CDHR3: variants seen among roughly 807,000 people sequenced by gnomAD.
CDHR3 encodes the protein cadherin related family member 3.
In CDHR3, 79 loss-of-function variants were observed where a neutral mutation model predicts 86.6. That is an observed-to-expected ratio of 0.91 (90% CI 0.76 to 1.10). CDHR3 has a LOEUF of 1.10. CDHR3 is among the 50% of genes least tolerant of loss of function. CDHR3 has a pLI of 0.00. For synonymous variants in CDHR3, 421 were observed against 402.4 expected (o/e 1.05, Z -0.55); for missense variants, 1,081 against 1,077.6 (o/e 1.00, Z -0.04).
intron 8 of CDHR3, among the ~76,000 whole-genome samples, chr7:106,005,552 G>C (rs1833832774): frequency 6.6e-6 from 1 of 152,192 alleles, no homozygotes; most frequent in African/African-American, 2.4e-5. Flanking sequence ...CCTGTATCTG[G>C]AGCAAGGCTG....
At chr7:106,014,688 A>C (rs10953490) in intron 9 of CDHR3, among the ~76,000 whole-genome samples, 71,631 of 152,100 alleles carry the variant, frequency 0.47, 17,584 homozygotes, top group African/African-American at 0.61. Context: ...CTCAAAATAT[A>C]TTATAGTACT....
chr7:106,026,059 G>A (rs1275141127), intron 15 of CDHR3, among the ~76,000 whole-genome samples: 1 of 152,084 alleles, frequency 6.6e-6, no homozygotes, highest in Non-Finnish European at 1.5e-5. Context: ...AATATTAATT[G>A]TTTTCAACAT....
At chr7:106,027,868 T>A (rs532035566) in intron 16 of CDHR3, among the ~76,000 whole-genome samples, 1 of 152,120 alleles carries the variant, frequency 6.6e-6, no homozygotes, top group African/African-American at 2.4e-5. Flanking sequence ...CTCACACTTA[T>A]AATCCCAGCA....
rs573081793 is a variant in CDHR3 at position 106,026,824 on chromosome 7, G to C, written c.2272+129G>C. ...TGGAGCATTTTCAGCTGCATCTTCT[G>C]TGGCTGGAAGGAAGCGGAGGTCGGT... On this transcript the variant is annotated intron_variant, in intron 16 of 18. Transcript: ENST00000317716. 4.1e-6 allele frequency: 4 copies of C among 974,362 alleles called. No individual in the cohort carries two copies. In the African/African-American group the frequency reaches 6.4e-5, roughly 16 times the overall value. 60.4% of individuals were successfully genotyped at this position (974,362 alleles called of 1,614,324 possible). A position where few individuals can be genotyped will look rare whatever the true frequency, so the allele number is the denominator to read the frequency against.
intron 2 of CDHR3, 89 bp from the exon 3 acceptor site, chr7:105,980,879 C>T (rs989356087): frequency 8.0e-7 from 1 of 1,245,924 alleles, no homozygotes; most frequent in African/African-American, 1.5e-5. Flanking sequence ...CCAGATGCTT[C>T]CTTCCTAGGA....
chr7:105,988,798 T>C (rs1457472977), intron 4 of CDHR3, among the ~76,000 whole-genome samples: 1 of 152,216 alleles, frequency 6.6e-6, no homozygotes, highest in Non-Finnish European at 1.5e-5. Context: ...AGTAGCCACA[T>C]TGAAAGTAAA....
chr7:106,004,243 C>T (rs183878424), intron 7 of CDHR3, among the ~76,000 whole-genome samples: 3 of 152,320 alleles, frequency 2.0e-5, no homozygotes, highest in East Asian at 1.9e-4. Flanking sequence ...CAGTCCAGTC[C>T]ACTCTGGGCA....
At chr7:106,032,332 G>C in intron 18 of CDHR3, 61 bp from the exon 19 acceptor site, 14 of 1,480,280 alleles carry the variant, frequency 9.5e-6, no homozygotes, top group Non-Finnish European at 1.3e-5. Flanking sequence ...GTAGAAGTGG[G>C]GGAAGAGACA....
At chr7:105,979,545 C>G (rs1317745942) in intron 2 of CDHR3, among the ~76,000 whole-genome samples, 4 of 152,224 alleles carry the variant, frequency 2.6e-5, no homozygotes, top group Admixed American at 1.3e-4. Flanking sequence ...GTTTTCTCTC[C>G]TTCAGTTTCC....
intron 2 of CDHR3, among the ~76,000 whole-genome samples, chr7:105,976,198 T>C (rs899468585): frequency 6.6e-6 from 1 of 152,222 alleles, no homozygotes; most frequent in Admixed American, 6.5e-5. Flanking sequence ...CCTGTAAGCC[T>C]TGTCAATTGC....
intron 11 of CDHR3, among the ~76,000 whole-genome samples, chr7:106,016,989 A>G (rs1219665187): frequency 6.6e-6 from 1 of 152,224 alleles, no homozygotes; most frequent in Non-Finnish European, 1.5e-5. Context: ...AGGAACTCCT[A>G]CAAAACAAGC....
chr7:106,005,425 C>T lies in CDHR3; in HGVS notation c.1052+738C>T, dbSNP rs542194635. On this transcript the variant is annotated intron_variant, in intron 8 of 18. Transcript: ENST00000317716. Reference sequence around the variant, plus strand: ...GATTAGTACTTGCCCATATTAGCCTCGTCTCTGAGGTTTTGTTCCAGCCAG... The same window carrying T: ...GATTAGTACTTGCCCATATTAGCCTTGTCTCTGAGGTTTTGTTCCAGCCAG... Among the ~76,000 whole-genome samples the T allele has an allele frequency of 9.2e-5, 14 of 152,328 alleles. 1 individual carries two copies. The South Asian group carries it at 1.7e-3, about 18-fold the overall frequency.
In CDHR3 at chr7:106,015,202, C is replaced by G; in HGVS notation, c.1316C>G (p.Pro439Arg). ...ATCCAGGTGCAGGATGTGGCCCCCC[C>G]TTACTATAAAAGCAAGTATCATTTT... is the stretch of plus-strand genomic sequence containing the variant. ...VIIQVQDVAPPYYKNNVYVYI... is the reference protein window; with the variant it reads ...VIIQVQDVAPRYYKNNVYVYI... The change falls in exon 10 of 19, where the codon CCT becomes CGT. Residue 439 changes from proline to arginine, a missense_variant. Coordinates refer to ENST00000317716, the MANE Select transcript of CDHR3 (RefSeq NM_152750.5). 3 of 1,607,774 alleles carry G rather than the reference C, an allele frequency of 1.9e-6. No homozygotes were observed. Among genetic ancestry groups the G allele is most frequent in the Non-Finnish European group, 2.5e-6 (3 of 1,177,066 alleles).
intron 4 of CDHR3, among the ~76,000 whole-genome samples, chr7:105,985,339 G>C (rs1200651287): frequency 1.3e-5 from 2 of 151,932 alleles, no homozygotes; most frequent in Non-Finnish European, 2.9e-5. Flanking sequence ...AGGTTGGAGA[G>C]AAAAAAGAAA....
chr7:105,987,361 A>G (rs1036412929), intron 4 of CDHR3, among the ~76,000 whole-genome samples: 2 of 152,240 alleles, frequency 1.3e-5, no homozygotes, highest in Admixed American at 6.5e-5. Flanking sequence ...CTGTACAGAA[A>G]GTCAACAGCC....
intron 13 of CDHR3, among the ~76,000 whole-genome samples, chr7:106,021,572 C>T (rs1836577654): frequency 6.6e-6 from 1 of 152,188 alleles, no homozygotes; most frequent in African/African-American, 2.4e-5. Flanking sequence ...GCCTCTCTGC[C>T]CCAGGCTCCC....
At chr7:106,002,740 A>G (rs1833392067) in intron 7 of CDHR3, among the ~76,000 whole-genome samples, 1 of 152,240 alleles carries the variant, frequency 6.6e-6, no homozygotes, top group Non-Finnish European at 1.5e-5. Context: ...AGTCTCTAGT[A>G]GTCACATTTT....
Position 105,970,315 on chromosome 7 carries a change from C to T in CDHR3, c.47-4529C>T, listed in dbSNP as rs571392305. 7.2e-5 allele frequency among the ~76,000 whole-genome samples: 11 copies of T among 152,280 alleles called. No homozygotes were observed. In the South Asian group the frequency reaches 2.3e-3, roughly 32 times the overall value. On this transcript the variant is annotated intron_variant, in intron 1 of 18. Transcript: ENST00000317716. ...GGCTCCCAGGGAAGCCCCATTGGTC[C>T]ATTTCTGGAGAGGCAGTGATTCAAG...
At chr7:106,008,106 C>G (rs913501471) in intron 8 of CDHR3, among the ~76,000 whole-genome samples, 1 of 152,174 alleles carries the variant, frequency 6.6e-6, no homozygotes. Context: ...AAGAACAGCA[C>G]AGGAAAGACT....
Sources: allele counts gnomAD v4.1 joint callset (sites outside exome capture counted in the v4.1 genomes callset), GRCh38; gene constraint gnomAD v4.1.1; transcripts MANE v1.5; gene names NCBI Gene and HGNC (gene_info 2026-07-23, HGNC 2026-07-21).